HTR3B: variants seen among roughly 807,000 people sequenced by gnomAD.
HTR3B encodes the protein 5-hydroxytryptamine receptor 3B, also known as 5-hydroxytryptamine (serotonin) receptor 3B, ionotropic.
A neutral mutation model predicts 42.8 loss-of-function variants in HTR3B; 44 were observed. The observed-to-expected ratio is 1.03, with a 90% confidence interval of 0.81 to 1.32. The LOEUF (loss-of-function observed/expected upper bound fraction) is 1.32, where lower values mean the gene tolerates loss of function less well. Among genes scored for constraint, HTR3B ranks in the 40% most tolerant of loss-of-function variants. The pLI, the probability that HTR3B is intolerant of heterozygous loss-of-function variation, is 0.00. For synonymous variants in HTR3B, 203 were observed against 209.0 expected, an observed-to-expected ratio of 0.97 and a Z score of 0.25; for missense variants, 527 against 536.5, an observed-to-expected ratio of 0.98 and a Z score of 0.17.
intron 8 of HTR3B, 23 bp from the exon 9 acceptor site, chr11:113,945,879 G>A: frequency 6.4e-7 from 1 of 1,569,026 alleles, no homozygotes; most frequent in Non-Finnish European, 8.8e-7. Context: ...GGCTCACCCA[G>A]GGTGTTTTCC....
chr11:113,926,473 C>CTTTCCTTTCT (rs1949974455), intron 2 of HTR3B, among the ~76,000 whole-genome samples: 33 of 71,304 alleles, frequency 4.6e-4, no homozygotes, highest in South Asian at 1.7e-3. Context: ...CTTTCTTTTC[C>CTTTCCTTTCT]TTTCCTTTCC....
chr11:113,936,333 A>G (rs1292570939), intron 6 of HTR3B, among the ~76,000 whole-genome samples: 3 of 152,158 alleles, frequency 2.0e-5, no homozygotes, highest in African/African-American at 7.2e-5. Context: ...CACACCAAGT[A>G]AAGTGTTTAT....
intron 6 of HTR3B, among the ~76,000 whole-genome samples, chr11:113,940,777 T>G (rs1458293547): frequency 6.6e-6 from 1 of 152,182 alleles, no homozygotes; most frequent in Non-Finnish European, 1.5e-5. Context: ...CAAGCTCTTC[T>G]CCCGGCACCT....
At chr11:113,928,039 C>T (rs1316505580) in intron 2 of HTR3B, among the ~76,000 whole-genome samples, 1 of 152,142 alleles carries the variant, frequency 6.6e-6, no homozygotes, top group Non-Finnish European at 1.5e-5. Flanking sequence ...CTCCCCAAAA[C>T]CCCACCCTGA....
intron 2 of HTR3B, among the ~76,000 whole-genome samples, chr11:113,918,316 A>G (rs1190437168): frequency 6.7e-6 from 1 of 150,200 alleles, no homozygotes; most frequent in Non-Finnish European, 1.5e-5. Flanking sequence ...TAATTTTATT[A>G]CATGTGTAGC....
chr11:113,944,372 G>A (rs192309363), intron 7 of HTR3B, among the ~76,000 whole-genome samples: 4 of 152,230 alleles, frequency 2.6e-5, no homozygotes, highest in African/African-American at 9.6e-5. Context: ...GTGGTGGTGT[G>A]TGCCTGTAGT....
intron 6 of HTR3B, among the ~76,000 whole-genome samples, chr11:113,936,057 C>T (rs1433340176): frequency 1.3e-5 from 2 of 152,232 alleles, no homozygotes; most frequent in Admixed American, 1.3e-4. Flanking sequence ...GCACTTCTCC[C>T]TACAAAGATG....
chr11:113,937,952 A>G (rs1950104268), intron 6 of HTR3B, among the ~76,000 whole-genome samples: 1 of 152,182 alleles, frequency 6.6e-6, no homozygotes, highest in African/African-American at 2.4e-5. Context: ...ATTCTGAGGG[A>G]GAATCTGCTC....
chr11:113,905,706 T>C (rs1303927607), intron 1 of HTR3B, among the ~76,000 whole-genome samples: 1 of 152,216 alleles, frequency 6.6e-6, no homozygotes, highest in Non-Finnish European at 1.5e-5. Flanking sequence ...GAATTTATGA[T>C]TATGCTGGTG....
At chr11:113,936,845 G>T (rs576821290) in intron 6 of HTR3B, among the ~76,000 whole-genome samples, 1 of 152,254 alleles carries the variant, frequency 6.6e-6, no homozygotes, top group Admixed American at 6.5e-5. Context: ...GAGTACTGGT[G>T]GGGTCTACCA....
intron 8 of HTR3B, 73 bp from the exon 9 acceptor site, chr11:113,945,829 C>T: frequency 4.8e-6 from 5 of 1,048,196 alleles, no homozygotes; most frequent in Non-Finnish European, 7.3e-6. Flanking sequence ...ATGAGGCCAT[C>T]AGCTTCAAGA....
rs1383781723 is a variant in HTR3B, at chr11:113,948,034, T to G, written c.*1897T>G. On this transcript the variant is annotated 3_prime_UTR_variant, in exon 9 of 9. Transcript: ENST00000260191. ...AATTCAAACAGCCTTTACCTGCATC[T>G]TCCCTCTCTCATTACCTCCCAGTTA... Among the ~76,000 whole-genome samples the G allele has an allele frequency of 6.6e-6, 1 of 151,996 alleles. No homozygotes were observed. The highest frequency in any genetic ancestry group is 1.5e-5 in the Non-Finnish European group (1 of 68,024).
At chr11:113,900,132 C>T (rs1949687617), upstream of HTR3B, among the ~76,000 whole-genome samples, 1 of 151,990 alleles carries the variant, frequency 6.6e-6, no homozygotes, top group South Asian at 2.1e-4. Flanking sequence ...GTGGCATGCA[C>T]CTGTAGTCCC....
chr11:113,938,909 C>A (rs372789871), intron 6 of HTR3B, among the ~76,000 whole-genome samples: 1 of 151,970 alleles, frequency 6.6e-6, no homozygotes, highest in African/African-American at 2.4e-5. Flanking sequence ...GCAGGAGAAT[C>A]GCTTGAACCT....
chr11:113,936,813 A>G (rs1950095715), intron 6 of HTR3B, among the ~76,000 whole-genome samples: 1 of 152,188 alleles, frequency 6.6e-6, no homozygotes, highest in Admixed American at 6.5e-5. Flanking sequence ...CAACTGTGTC[A>G]TAAAGACGGT....
At chr11:113,919,477 T>G (rs1949890836) in intron 2 of HTR3B, among the ~76,000 whole-genome samples, 1 of 152,186 alleles carries the variant, frequency 6.6e-6, no homozygotes, top group Non-Finnish European at 1.5e-5. Flanking sequence ...GTCTTTGATT[T>G]TTTGGGACTG....
rs941345200 is a variant in HTR3B at position 113,947,612 on chromosome 11, G to A, written c.*1475G>A. On this transcript the variant is annotated 3_prime_UTR_variant, in exon 9 of 9. Transcript: ENST00000260191. ...TGACCTTTCCTCTGTGCATGCTCAT[G>A]TCTGTGTCCAGATTTTCTCTTCTAA... Among the ~76,000 whole-genome samples the A allele has an allele frequency of 1.3e-5, 2 of 152,144 alleles. No homozygotes were observed. Among genetic ancestry groups the A allele is most frequent in the South Asian group, 2.1e-4 (1 of 4,826 alleles).
At chr11:113,910,630 G>T (rs145924514) in intron 2 of HTR3B, among the ~76,000 whole-genome samples, 1 of 150,940 alleles carries the variant, frequency 6.6e-6, no homozygotes, top group Non-Finnish European at 1.5e-5. Context: ...TAGTAGAGAC[G>T]GGGTTTCACC....
the HTR3B span, among the ~76,000 whole-genome samples, chr11:113,899,606 G>A: frequency 2.0e-5 from 3 of 152,260 alleles, no homozygotes; most frequent in Admixed American, 6.5e-5. Flanking sequence ...TGAACTAATT[G>A]CATTTGCATA....
Sources: gnomAD v4.1 joint callset for allele counts (sites outside exome capture counted in the v4.1 genomes callset) on GRCh38, gnomAD v4.1.1 for gene constraint, MANE v1.5 for transcripts, NCBI Gene and HGNC (gene_info 2026-07-23, HGNC 2026-07-21) for gene names.